The following CDH13 variants were observed in gnomAD, a reference collection of about 807,000 sequenced individuals.
The protein encoded by CDH13 is cadherin-13.
In CDH13, 24 loss-of-function variants were observed where a neutral mutation model predicts 63.8. The observed-to-expected ratio is 0.38, with a 90% confidence interval of 0.27 to 0.53. CDH13 has a LOEUF of 0.53. CDH13 is among the 20% of genes least tolerant of loss of function. The pLI, the probability that CDH13 is intolerant of heterozygous loss-of-function variation, is 0.85. For synonymous variants in CDH13, 503 were observed against 355.3 expected (o/e 1.42, Z -4.67); for missense variants, 1,049 against 903.1 (o/e 1.16, Z -2.07).
intron 7 of CDH13, among the ~76,000 whole-genome samples, chr16:83,511,045 C>A (rs117635552): frequency 7.3e-6 from 1 of 136,750 alleles, no homozygotes; most frequent in Non-Finnish European, 1.6e-5. Context: ...CGCATGCACA[C>A]GTGTGTGCAC....
chr16:83,555,028 G>A (rs2075575971), intron 7 of CDH13, among the ~76,000 whole-genome samples: 1 of 151,910 alleles, frequency 6.6e-6, no homozygotes, highest in Admixed American at 6.6e-5. Context: ...GGCCAGAGGT[G>A]GAGGGTAGGA....
At chr16:83,578,912 G>T (rs191222295) in intron 7 of CDH13, among the ~76,000 whole-genome samples, 1 of 152,174 alleles carries the variant, frequency 6.6e-6, no homozygotes, top group Non-Finnish European at 1.5e-5. Context: ...TGAGGTTAAC[G>T]TACCTAAAGT....
intron 5 of CDH13, among the ~76,000 whole-genome samples, chr16:83,228,387 T>G (rs1475675510): frequency 6.6e-6 from 1 of 152,174 alleles, no homozygotes; most frequent in Non-Finnish European, 1.5e-5. Flanking sequence ...TGCTCAGTAT[T>G]CATCAGGTTT....
rs539248761 is a variant in CDH13, at chr16:83,602,926, A to C, written c.1101+332A>C. On this transcript the variant is annotated intron_variant, in intron 8 of 13. Transcript: ENST00000567109. ...ATGAGAGTCCCACTGTGATTTTAGC[A>C]TAACAATAACTATTTTTTTCCAGCA... Among the ~76,000 whole-genome samples the C allele has an allele frequency of 2.0e-5, 3 of 152,354 alleles. No homozygotes were observed. The South Asian group carries it at 6.2e-4, about 32-fold the overall frequency.
chr16:83,702,051 A>C (rs1005377672), intron 10 of CDH13, among the ~76,000 whole-genome samples: 4 of 152,234 alleles, frequency 2.6e-5, no homozygotes, highest in Non-Finnish European at 5.9e-5. Context: ...TGTCTGGAAC[A>C]TAGAAAGAAC....
At chr16:83,124,834 G>A (rs2035740565) in intron 3 of CDH13, among the ~76,000 whole-genome samples, 1 of 152,124 alleles carries the variant, frequency 6.6e-6, no homozygotes, top group Non-Finnish European at 1.5e-5. Flanking sequence ...TCAGTTGGTT[G>A]TAGGTATGTG....
chr16:82,986,646 C>T (rs1169208451), intron 2 of CDH13, among the ~76,000 whole-genome samples: 3 of 152,136 alleles, frequency 2.0e-5, no homozygotes, highest in African/African-American at 7.2e-5. Flanking sequence ...CTAGGGATAG[C>T]AGAAATGAAA....
At chr16:83,096,088 A>G (rs56296910) in intron 3 of CDH13, among the ~76,000 whole-genome samples, 45,506 of 152,090 alleles carry the variant, frequency 0.3, 7,468 homozygotes, top group East Asian at 0.64. Flanking sequence ...TAACAGGTCA[A>G]GAACTCCGTA....
At chr16:83,780,234 T>C (rs918067342) in intron 12 of CDH13, 33 bp downstream of exon 12, 6 of 1,381,604 alleles carry the variant, frequency 4.3e-6, no homozygotes, top group East Asian at 4.9e-5. Flanking sequence ...TGCCTATTCT[T>C]CCAGCTTTCA....
intron 2 of CDH13, among the ~76,000 whole-genome samples, chr16:82,899,613 G>T (rs1195318953): frequency 6.6e-6 from 1 of 152,112 alleles, no homozygotes; most frequent in African/African-American, 2.4e-5. Flanking sequence ...GTGTGTGTGT[G>T]TGTTTGCGTG....
At chr16:83,675,064 T>G (rs1412315521) in intron 9 of CDH13, among the ~76,000 whole-genome samples, 1 of 152,168 alleles carries the variant, frequency 6.6e-6, no homozygotes, top group African/African-American at 2.4e-5. Context: ...TTACACCCTC[T>G]CTTGTCACTT....
intron 3 of CDH13, among the ~76,000 whole-genome samples, chr16:83,091,404 C>A (rs564763033): frequency 2.0e-5 from 3 of 152,204 alleles, no homozygotes; most frequent in Admixed American, 1.3e-4. Context: ...ATGACCAAAT[C>A]ATGAGATGTT....
chr16:83,473,292 C>G (rs977286424), intron 6 of CDH13, among the ~76,000 whole-genome samples: 1 of 152,170 alleles, frequency 6.6e-6, no homozygotes, highest in African/African-American at 2.4e-5. Context: ...CCATGTTACC[C>G]AATATGTATT....
At chr16:83,160,707 A>G (rs754958040) in intron 4 of CDH13, among the ~76,000 whole-genome samples, 9 of 152,232 alleles carry the variant, frequency 5.9e-5, no homozygotes, top group Non-Finnish European at 1.3e-4. Flanking sequence ...TTTTATAAAT[A>G]TCAATTTTCA....
chr16:83,102,853 T>C (rs1404274360), intron 3 of CDH13, among the ~76,000 whole-genome samples: 2 of 151,442 alleles, frequency 1.3e-5, no homozygotes, highest in Non-Finnish European at 2.9e-5. Flanking sequence ...GTAAATGTGA[T>C]ACATGTAGGC....
Position 83,067,580 on chromosome 16 carries a change from A to G in CDH13, c.366+35362A>G, listed in dbSNP as rs187214667. Among the ~76,000 whole-genome samples, 3 of 152,356 alleles carry G rather than the reference A, an allele frequency of 2.0e-5. No homozygotes were observed. In the East Asian group the frequency reaches 5.8e-4, roughly 29 times the overall value. On this transcript the variant is annotated intron_variant, in intron 3 of 13. Coordinates refer to ENST00000567109, the MANE Select transcript of CDH13 (RefSeq NM_001257.5). Reference sequence around the variant, plus strand: ...TTACAACCTCCACAAACTAAGGTTCATGATCGAAGAACCTCACTGAATATT... The same window carrying G: ...TTACAACCTCCACAAACTAAGGTTCGTGATCGAAGAACCTCACTGAATATT...
intron 6 of CDH13, among the ~76,000 whole-genome samples, chr16:83,371,255 C>T (rs527660650): frequency 6.6e-6 from 1 of 152,252 alleles, no homozygotes; most frequent in African/African-American, 2.4e-5. Context: ...TGTTGACTGC[C>T]CCATGGCCTT....
At chr16:83,030,305 T>C (rs567920909) in intron 2 of CDH13, among the ~76,000 whole-genome samples, 1 of 152,270 alleles carries the variant, frequency 6.6e-6, no homozygotes, top group South Asian at 2.1e-4. Context: ...TTTAAATCAC[T>C]TGCTATAACC....
Position 83,060,724 on chromosome 16 carries a change from G to C in CDH13, c.366+28506G>C, listed in dbSNP as rs183451730. Among the ~76,000 whole-genome samples the C allele has an allele frequency of 4.2e-3, 632 of 152,268 alleles. 18 individuals are homozygous for C. The highest frequency in any genetic ancestry group is 8.5e-4 in the Non-Finnish European group (58 of 68,026). Reference sequence around the variant, plus strand: ...AAATACATCTCAGATCTCTGCATTAGGATGCACAGGTTTACATTTTTTAAA... The same window carrying C: ...AAATACATCTCAGATCTCTGCATTACGATGCACAGGTTTACATTTTTTAAA... On this transcript the variant is annotated intron_variant, in intron 3 of 13. Transcript: ENST00000567109.
Sources: gnomAD v4.1 joint callset for allele counts (sites outside exome capture counted in the v4.1 genomes callset) on GRCh38, gnomAD v4.1.1 for gene constraint, MANE v1.5 for transcripts, NCBI Gene and HGNC (gene_info 2026-07-23, HGNC 2026-07-21) for gene names.